PRR16: variants seen among roughly 807,000 people sequenced by gnomAD.
PRR16 encodes protein Largen.
PRR16 carries 6 observed loss-of-function variants against 18.2 expected under a neutral mutation model. That is an observed-to-expected ratio of 0.33 (90% CI 0.18 to 0.65). The LOEUF (loss-of-function observed/expected upper bound fraction) is 0.65. PRR16 is among the 30% of genes least tolerant of loss of function. PRR16 has a pLI of 0.74. For missense variants in PRR16, 412 were observed against 376.6 expected (o/e 1.09, Z -0.78); for synonymous variants, 151 against 147.8 (o/e 1.02, Z -0.16).
chr5:120,716,022 C>T, the PRR16 span, among the ~76,000 whole-genome samples: 1 of 152,158 alleles, frequency 6.6e-6, no homozygotes, highest in South Asian at 2.1e-4. Flanking sequence ...TATGTCTCAT[C>T]TGCATTCATA....
intron 1 of PRR16, among the ~76,000 whole-genome samples, chr5:120,553,874 A>G (rs1752333309): frequency 6.6e-6 from 1 of 151,950 alleles, no homozygotes; most frequent in Admixed American, 6.6e-5. Context: ...GATTGGATAT[A>G]GGAAATTTTC....
At chr5:120,696,317 T>C in the PRR16 span, among the ~76,000 whole-genome samples, 2 of 151,578 alleles carry the variant, frequency 1.3e-5, no homozygotes, top group Admixed American at 1.3e-4. Flanking sequence ...AAACAAAATA[T>C]ATATAAAAAA....
Position 120,686,673 on chromosome 5 carries a change from G to C in PRR16, c.879G>C (p.Lys293Asn), listed in dbSNP as rs1757138814. The C allele has an allele frequency of 6.4e-7, 1 of 1,567,320 alleles. No individual in the cohort carries two copies. The highest frequency in any genetic ancestry group is 8.7e-7 in the Non-Finnish European group (1 of 1,155,140). The change falls in exon 2 of 2, where the codon AAG becomes AAC. Residue 293 changes from lysine to asparagine, a missense_variant. Lys to Asn is a moderately conservative substitution (Grantham distance 94). Coordinates refer to ENST00000407149, the MANE Select transcript of PRR16 (RefSeq NM_001300783.2). ...CTCCCACTGCACCAAAACCACAGAA[G>C]ACGATCTTGAGGAAGTCAACCACTA... ...VPPPTAPKPQ[K>N]TILRKSTTTT...
chr5:120,614,670 A>G (rs1045139845), intron 1 of PRR16, among the ~76,000 whole-genome samples: 6 of 152,334 alleles, frequency 3.9e-5, no homozygotes, highest in African/African-American at 1.2e-4. Flanking sequence ...GGAATGTTCT[A>G]TTGCTGAATA....
At chr5:120,546,486 T>C (rs1580710005) in intron 1 of PRR16, among the ~76,000 whole-genome samples, 1 of 152,092 alleles carries the variant, frequency 6.6e-6, no homozygotes, top group Non-Finnish European at 1.5e-5. Flanking sequence ...CATGGCCCTG[T>C]GCTCAGGCCC....
chr5:120,510,709 T>A (rs1465578154), intron 1 of PRR16, among the ~76,000 whole-genome samples: 13 of 152,178 alleles, frequency 8.5e-5, no homozygotes, highest in Non-Finnish European at 2.9e-5. Context: ...GTCTCCAGAT[T>A]GGAATATCTA....
the PRR16 span, among the ~76,000 whole-genome samples, chr5:120,762,307 A>C: frequency 6.6e-6 from 1 of 152,076 alleles, no homozygotes. Flanking sequence ...TTTTCATAAT[A>C]ATTGTATTAA....
chr5:120,726,558 A>G, the PRR16 span, among the ~76,000 whole-genome samples: 2 of 152,182 alleles, frequency 1.3e-5, no homozygotes, highest in East Asian at 3.9e-4. Context: ...TCGTCATCAT[A>G]ACTTACTATT....
At chr5:120,488,227 C>A (rs1268958559) in intron 1 of PRR16, among the ~76,000 whole-genome samples, 3 of 152,118 alleles carry the variant, frequency 2.0e-5, no homozygotes, top group Non-Finnish European at 4.4e-5. Context: ...GGAATGGTAC[C>A]AGCTCCTCCT....
intron 1 of PRR16, among the ~76,000 whole-genome samples, chr5:120,673,963 A>AC: frequency 6.6e-6 from 1 of 150,894 alleles, no homozygotes; most frequent in South Asian, 2.1e-4. Flanking sequence ...CAAAGAAAAA[A>AC]AAAAAACCTA....
At chr5:120,705,592 ATTTAAAT>A in the PRR16 span, among the ~76,000 whole-genome samples, 1 of 152,092 alleles carries the variant, frequency 6.6e-6, no homozygotes, top group South Asian at 2.1e-4. Flanking sequence ...CTTTAACAAA[ATTTAAAT>A]TTTTATTCTT....
the PRR16 span, among the ~76,000 whole-genome samples, chr5:120,780,302 A>C: frequency 2.6e-5 from 4 of 152,192 alleles, no homozygotes; most frequent in Admixed American, 2.6e-4. Context: ...ATTGCACATA[A>C]AATAAATGAT....
intron 1 of PRR16, among the ~76,000 whole-genome samples, chr5:120,532,465 C>G (rs990539852): frequency 6.6e-6 from 1 of 152,134 alleles, no homozygotes; most frequent in Admixed American, 6.5e-5. Context: ...AAAATTTACA[C>G]TCCTTTATAG....
the PRR16 span, among the ~76,000 whole-genome samples, chr5:120,754,155 TATG>T: frequency 3.3e-4 from 10 of 30,482 alleles, no homozygotes; most frequent in African/African-American, 1.4e-3. Flanking sequence ...AATATATAAA[TATG>T]ATATATAAAT....
chr5:120,671,230 G>A (rs1756592312), intron 1 of PRR16, among the ~76,000 whole-genome samples: 1 of 152,056 alleles, frequency 6.6e-6, no homozygotes, highest in Non-Finnish European at 1.5e-5. Flanking sequence ...TGTGCCTAAT[G>A]TGTTGCCTAC....
chr5:120,525,660 T>C (rs1408726914), intron 1 of PRR16, among the ~76,000 whole-genome samples: 2 of 151,692 alleles, frequency 1.3e-5, no homozygotes, highest in African/African-American at 2.4e-5. Flanking sequence ...TGCTAGGTAT[T>C]GTCAGGGACA....
chr5:120,635,997 C>G (rs889644554), intron 1 of PRR16, among the ~76,000 whole-genome samples: 50 of 151,988 alleles, frequency 3.3e-4, no homozygotes, highest in African/African-American at 1.2e-3. Context: ...AGAATCAAAT[C>G]AAGTCAACCC....
intron 1 of PRR16, among the ~76,000 whole-genome samples, chr5:120,530,994 C>T (rs371751232): frequency 5.9e-5 from 9 of 152,164 alleles, no homozygotes; most frequent in African/African-American, 1.9e-4. Context: ...AATAGATATA[C>T]AGTTGGTAAA....
the PRR16 span, among the ~76,000 whole-genome samples, chr5:120,768,197 C>A: frequency 6.6e-6 from 1 of 151,682 alleles, no homozygotes; most frequent in Non-Finnish European, 1.5e-5. Flanking sequence ...TTTTAATTTT[C>A]AAAAACAAAT....
Sources: allele counts gnomAD v4.1 joint callset (sites outside exome capture counted in the v4.1 genomes callset), GRCh38; gene constraint gnomAD v4.1.1; transcripts MANE v1.5; gene names NCBI Gene and HGNC (gene_info 2026-07-23, HGNC 2026-07-21).